CD44: variants seen among roughly 807,000 people sequenced by gnomAD.
CD44 encodes CD44 antigen.
A neutral mutation model predicts 88.8 loss-of-function variants in CD44; 49 were observed. That is an observed-to-expected ratio of 0.55 (90% CI 0.44 to 0.70). The LOEUF (loss-of-function observed/expected upper bound fraction) is 0.70. CD44 is among the 30% of genes least tolerant of loss of function. CD44 has a pLI of 0.00. For synonymous variants in CD44, 325 were observed against 312.3 expected (o/e 1.04, Z -0.43); for missense variants, 883 against 913.8 (o/e 0.97, Z 0.43).
intron 1 of CD44, among the ~76,000 whole-genome samples, chr11:35,163,906 C>G (rs995501116): frequency 1.3e-5 from 2 of 152,136 alleles, no homozygotes; most frequent in African/African-American, 2.4e-5. Flanking sequence ...CCTGCTGGTG[C>G]AAACTTGCAC....
chr11:35,226,112 A>G (rs1000772209), intron 17 of CD44, among the ~76,000 whole-genome samples: 1 of 152,246 alleles, frequency 6.6e-6, no homozygotes, highest in African/African-American at 2.4e-5. Context: ...TATGAGAATC[A>G]TCCTACCCTC....
rs1313568202 is a variant in CD44, at chr11:35,219,358, C to T, written c.1916C>T (p.Ser639Phe). Residue 639 changes from serine to phenylalanine, a missense_variant, in exon 16 of 18, where the codon TCT becomes TTT. Physicochemically the swap from Ser to Phe is radical, Grantham distance 155. Coordinates refer to ENST00000428726, the MANE Select transcript of CD44 (RefSeq NM_000610.4). ...GSQEGGANTT[S>F]GPIRTPQIPE... ...CAAGAAGGTGGAGCAAACACAACCT[C>T]TGGTCCTATAAGGACACCCCAAATT... 6.2e-7 allele frequency: 1 copy of T among 1,613,930 alleles called. No homozygotes were observed. The highest frequency in any genetic ancestry group is 8.5e-7 in the Non-Finnish European group (1 of 1,179,892).
intron 4 of CD44, among the ~76,000 whole-genome samples, chr11:35,188,972 A>G (rs1168008059): frequency 6.6e-6 from 1 of 152,188 alleles, no homozygotes; most frequent in Non-Finnish European, 1.5e-5. Context: ...AGCAAGCTAA[A>G]TATGTGGCCA....
At chr11:35,171,271 GA>G (rs1943853120) in intron 1 of CD44, among the ~76,000 whole-genome samples, 1 of 152,232 alleles carries the variant, frequency 6.6e-6, no homozygotes, top group Admixed American at 6.5e-5. Flanking sequence ...ACCTAGAGTA[GA>G]AGGATTGTGA....
At chr11:35,214,244 A>G (rs562899174) in intron 14 of CD44, among the ~76,000 whole-genome samples, 2 of 152,316 alleles carry the variant, frequency 1.3e-5, no homozygotes, top group Non-Finnish European at 2.9e-5. Flanking sequence ...TCCAATACAC[A>G]TTATTAATGT....
Position 35,229,898 on chromosome 11 carries a change from A to G in CD44, c.*565A>G, listed in dbSNP as rs1949974960. The G allele has an allele frequency of 6.5e-6, 1 of 153,640 alleles. No individual in the cohort carries two copies. The highest frequency in any genetic ancestry group is 6.4e-5 in the Admixed American group (1 of 15,548). 9.5% of individuals were successfully genotyped at this position (153,640 alleles called of 1,614,324 possible). ...GCTATTTATCTGTAGTAAACTATTTATCTGTGTTTTTGAAATATTAAACCC... is the reference window on the plus strand; with the variant it reads ...GCTATTTATCTGTAGTAAACTATTTGTCTGTGTTTTTGAAATATTAAACCC... On this transcript the variant is annotated 3_prime_UTR_variant, in exon 18 of 18. Coordinates refer to ENST00000428726, the MANE Select transcript of CD44 (RefSeq NM_000610.4).
intron 2 of CD44, among the ~76,000 whole-genome samples, chr11:35,177,614 T>C (rs1944598486): frequency 6.6e-6 from 1 of 152,186 alleles, no homozygotes. Context: ...CAGACTGCTT[T>C]TGAAAAGTCA....
intron 1 of CD44, among the ~76,000 whole-genome samples, chr11:35,141,988 G>A (rs1040006725): frequency 6.6e-6 from 1 of 152,196 alleles, no homozygotes; most frequent in African/African-American, 2.4e-5. Flanking sequence ...TCCAGTCTTT[G>A]TATGGGAAAG....
At chr11:35,143,251 T>C (rs1375416390) in intron 1 of CD44, among the ~76,000 whole-genome samples, 1 of 151,874 alleles carries the variant, frequency 6.6e-6, no homozygotes, top group East Asian at 1.9e-4. Context: ...CGCTAGATGG[T>C]CAGGAGCACC....
intron 10 of CD44, chr11:35,204,900 G>A (rs563257625): frequency 1.1e-5 from 4 of 361,408 alleles, no homozygotes; most frequent in South Asian, 6.0e-5. Flanking sequence ...CTTTCACATC[G>A]AGTTTTGGGC....
chr11:35,201,895 G>A (rs1048374284), intron 9 of CD44, 108 bp downstream of exon 9: 12 of 1,149,642 alleles, frequency 1.0e-5, no homozygotes, highest in East Asian at 5.0e-5. Flanking sequence ...ATTTCCACTC[G>A]GTAATTTCTT....
At chr11:35,175,052 C>T (rs75761035) in intron 1 of CD44, among the ~76,000 whole-genome samples, 22,853 of 151,936 alleles carry the variant, frequency 0.15, 1,866 homozygotes, top group Admixed American at 0.21. Context: ...AGTGAGGTGA[C>T]GTGGAGTTAA....
intron 17 of CD44, among the ~76,000 whole-genome samples, chr11:35,223,833 AGT>A (rs1463392944): frequency 1.3e-5 from 2 of 152,170 alleles, no homozygotes; most frequent in African/African-American, 4.8e-5. Context: ...TTCTGCTTTG[AGT>A]GTCACATTTA....
At position 35,196,748 on chromosome 11, in the gene CD44, T is replaced by C. The variant is rs1946794719; in HGVS notation, c.670T>C (p.Leu224=). 6.2e-7 allele frequency: 1 copy of C among 1,613,710 alleles called. No homozygotes were observed. Among genetic ancestry groups the C allele is most frequent in the Non-Finnish European group, 8.5e-7 (1 of 1,179,728 alleles). ...CAATTCAATCATGATTACAACAGCT[T>C]TGATGAGCACTAGTGCTACAGCAAC... ...DSTDRIPATT[L]MSTSATATET... The change falls in exon 6 of 18, where the codon TTG becomes CTG. Residue 224 remains leucine (L), a splice_region_variant and synonymous_variant. Coordinates refer to ENST00000428726, the MANE Select transcript of CD44 (RefSeq NM_000610.4).
intron 1 of CD44, among the ~76,000 whole-genome samples, chr11:35,151,628 A>G (rs1860343331): frequency 6.6e-6 from 1 of 152,218 alleles, no homozygotes; most frequent in South Asian, 2.1e-4. Context: ...TGGGCACAAT[A>G]TGAAGGATTT....
At chr11:35,142,302 G>T (rs1176103781) in intron 1 of CD44, among the ~76,000 whole-genome samples, 1 of 152,080 alleles carries the variant, frequency 6.6e-6, no homozygotes, top group African/African-American at 2.4e-5. Flanking sequence ...CCATTACTGG[G>T]TATATACCCA....
At chr11:35,142,214 A>C (rs1237539025) in intron 1 of CD44, among the ~76,000 whole-genome samples, 1 of 151,896 alleles carries the variant, frequency 6.6e-6, no homozygotes, top group Non-Finnish European at 1.5e-5. Flanking sequence ...TTTAAGTTTT[A>C]GGGTTCAACC....
intron 17 of CD44, among the ~76,000 whole-genome samples, chr11:35,227,848 AG>A (rs1308898013): frequency 1.3e-5 from 2 of 152,252 alleles, no homozygotes; most frequent in Non-Finnish European, 2.9e-5. Context: ...TTGGTCATAA[AG>A]GCCTGGATTT....
At chr11:35,225,229 C>T (rs574878394) in intron 17 of CD44, among the ~76,000 whole-genome samples, 19 of 145,436 alleles carry the variant, frequency 1.3e-4, no homozygotes, top group African/African-American at 3.4e-4. Flanking sequence ...AGCTCTAAAA[C>T]AGTGCAAAAT....
Sources: allele counts gnomAD v4.1 joint callset (sites outside exome capture counted in the v4.1 genomes callset), GRCh38; gene constraint gnomAD v4.1.1; transcripts MANE v1.5; gene names NCBI Gene and HGNC (gene_info 2026-07-23, HGNC 2026-07-21).